Variants in NME5 observed in about 807,000 individuals in gnomAD.
The protein encoded by NME5 is NME/NM23 family member 5, also known as nucleoside diphosphate kinase 5.
A neutral mutation model predicts 21.6 loss-of-function variants in NME5; 18 were observed. The ratio of observed to expected loss-of-function variants is 0.83; its 90% CI spans 0.58 to 1.24. The LOEUF (loss-of-function observed/expected upper bound fraction) is 1.24, where lower values mean the gene tolerates loss of function less well. Ranked by LOEUF, NME5 falls within the 50% of genes most tolerant of loss-of-function variation. NME5 has a pLI of 0.00. For missense variants in NME5, 223 were observed against 255.4 expected, an observed-to-expected ratio of 0.87 and a Z score of 0.86; for synonymous variants, 70 against 80.6, an observed-to-expected ratio of 0.87 and a Z score of 0.71.
intron 4 of NME5, among the ~76,000 whole-genome samples, chr5:138,122,098 A>T (rs1251938582): frequency 2.0e-5 from 3 of 152,102 alleles, no homozygotes. Context: ...TATCTCAGCA[A>T]TGTTCTTTGT....
intron 4 of NME5, among the ~76,000 whole-genome samples, chr5:138,128,094 T>C (rs1329774742): frequency 1.3e-5 from 2 of 152,086 alleles, no homozygotes; most frequent in African/African-American, 4.8e-5. Context: ...CATGCACCTA[T>C]AGTCTCAGCT....
chr5:138,121,860 A>AT (rs1052810587), intron 4 of NME5, among the ~76,000 whole-genome samples: 7 of 150,464 alleles, frequency 4.7e-5, no homozygotes, highest in Non-Finnish European at 7.4e-5. Flanking sequence ...TTTTCTTTAA[A>AT]TTTTTTTTTT....
At chr5:138,127,355 C>T in intron 4 of NME5, 1 of 460,846 alleles carries the variant, frequency 2.2e-6, no homozygotes, top group African/African-American at 2.1e-5. Context: ...ATTCAAACAA[C>T]AGTGATACTG....
chr5:138,137,379 G>A (rs557377712), intron 2 of NME5, among the ~76,000 whole-genome samples: 6 of 151,978 alleles, frequency 3.9e-5, no homozygotes, highest in East Asian at 2.0e-4. Flanking sequence ...GTACAATGGC[G>A]TAGTCTTGGC....
At chr5:138,128,416 A>T in intron 4 of NME5, 63 bp downstream of exon 4, 1 of 1,250,970 alleles carries the variant, frequency 8.0e-7, no homozygotes, top group South Asian at 1.3e-5. Flanking sequence ...CTATATCCGC[A>T]AAATAAAAGA....
chr5:138,134,265 A>G (rs1203238607), intron 2 of NME5, among the ~76,000 whole-genome samples: 1 of 149,658 alleles, frequency 6.7e-6, no homozygotes, highest in Admixed American at 6.7e-5. Flanking sequence ...GTTTTTTGAG[A>G]TGGAGTCTTG....
intron 2 of NME5, among the ~76,000 whole-genome samples, chr5:138,131,139 G>C (rs897554188): frequency 6.7e-6 from 1 of 150,182 alleles, no homozygotes. Flanking sequence ...GGCCGAGGTG[G>C]GTGGATCACC....
chr5:138,128,411 T>A, intron 4 of NME5, 68 bp downstream of exon 4: 1 of 1,160,202 alleles, frequency 8.6e-7, no homozygotes, highest in Non-Finnish European at 1.3e-6. Context: ...CCCAGCTATA[T>A]CCGCAAAATA....
intron 5 of NME5, among the ~76,000 whole-genome samples, chr5:138,118,072 C>A (rs1751202534): frequency 6.6e-6 from 1 of 151,670 alleles, no homozygotes; most frequent in Non-Finnish European, 1.5e-5. Flanking sequence ...TATGAAATAC[C>A]TTCTAGAAAT....
At chr5:138,122,148 C>A (rs1751297530) in intron 4 of NME5, among the ~76,000 whole-genome samples, 1 of 151,888 alleles carries the variant, frequency 6.6e-6, no homozygotes, top group African/African-American at 2.4e-5. Flanking sequence ...TAAATTTATG[C>A]TTAAATATGG....
At chr5:138,124,487 T>C (rs767302128) in intron 4 of NME5, among the ~76,000 whole-genome samples, 7 of 152,190 alleles carry the variant, frequency 4.6e-5, no homozygotes, top group Non-Finnish European at 7.3e-5. Context: ...AATATTTTCT[T>C]CCCTGGAATT....
At chr5:138,130,650 C>T (rs1751540048) in intron 2 of NME5, among the ~76,000 whole-genome samples, 2 of 152,102 alleles carry the variant, frequency 1.3e-5, no homozygotes, top group Middle Eastern at 3.4e-3. Context: ...TCAGGCCAGG[C>T]GCGGTAGCTC....
chr5:138,127,546 A>G (rs1345911470), intron 4 of NME5: 2 of 982,550 alleles, frequency 2.0e-6, no homozygotes, highest in African/African-American at 1.7e-5. Flanking sequence ...GAAAAATAAC[A>G]TACTAAAAAA....
chr5:138,130,676 G>C (rs962191270), intron 2 of NME5, among the ~76,000 whole-genome samples: 1 of 151,986 alleles, frequency 6.6e-6, no homozygotes, highest in African/African-American at 2.4e-5. Context: ...TGTAATCCCA[G>C]CACTTTGGGA....
At chr5:138,120,942 A>G (rs1751273237) in intron 4 of NME5, among the ~76,000 whole-genome samples, 1 of 152,158 alleles carries the variant, frequency 6.6e-6, no homozygotes, top group Non-Finnish European at 1.5e-5. Flanking sequence ...CCTACTTTAA[A>G]TGTGCTCAGA....
intron 4 of NME5, chr5:138,127,661 T>G (rs1751454122): frequency 1.0e-6 from 1 of 984,912 alleles, no homozygotes; most frequent in Non-Finnish European, 1.2e-6. Flanking sequence ...AACTTCAGTG[T>G]TCTTCCTCGT....
intron 4 of NME5, among the ~76,000 whole-genome samples, chr5:138,125,482 G>A (rs1581380179): frequency 6.6e-6 from 1 of 152,204 alleles, no homozygotes; most frequent in Non-Finnish European, 1.5e-5. Flanking sequence ...AAGGGGCTGA[G>A]GTAGGAGGAT....
intron 2 of NME5, among the ~76,000 whole-genome samples, chr5:138,137,314 CTTTA>C (rs77202467): frequency 1.4e-4 from 21 of 150,880 alleles, no homozygotes; most frequent in Non-Finnish European, 2.8e-4. Context: ...GATATTTTCT[CTTTA>C]TTTATTTATT....
intron 4 of NME5, among the ~76,000 whole-genome samples, chr5:138,121,353 A>G (rs1273940955): frequency 1.3e-5 from 2 of 152,044 alleles, no homozygotes; most frequent in African/African-American, 4.8e-5. Context: ...GCTTGAGCCC[A>G]GGAGGTCAGG....
Sources: gnomAD v4.1 joint callset for allele counts (sites outside exome capture counted in the v4.1 genomes callset) on GRCh38, gnomAD v4.1.1 for gene constraint, MANE v1.5 for transcripts, NCBI Gene and HGNC (gene_info 2026-07-23, HGNC 2026-07-21) for gene names.